The following GLOD4 variants were observed in gnomAD, a reference collection of about 807,000 sequenced individuals.
The protein encoded by GLOD4 is glyoxalase domain containing 4.
Under a neutral mutation model 39.1 loss-of-function variants are expected in GLOD4, and 44 were observed. That is an observed-to-expected ratio of 1.13 (90% confidence interval 0.88 to 1.45). The LOEUF (loss-of-function observed/expected upper bound fraction) is 1.45. GLOD4 is among the 40% of genes most tolerant of loss of function. GLOD4 has a pLI of 0.00. For synonymous variants in GLOD4, 145 were observed against 135.0 expected (o/e 1.07, Z -0.52); for missense variants, 405 against 366.4 (o/e 1.11, Z -0.86).
Position 776,860 on chromosome 17 carries a change from G to A in GLOD4, c.261+8C>T. On this transcript the variant is annotated splice_region_variant and intron_variant, in intron 3 of 8. Coordinates refer to ENST00000301329, the MANE Select transcript of GLOD4 (RefSeq NM_016080.4). ...GCCAAAACTCTGCTAGAAAAAAACG[G>A]TATTTACCATAAAGTCATTGCCAAG... 6.2e-7 allele frequency: 1 copy of A among 1,610,694 alleles called. No individual in the cohort carries two copies. Among genetic ancestry groups the A allele is most frequent in the Non-Finnish European group, 8.5e-7 (1 of 1,176,996 alleles).
At chr17:775,694 A>G (rs998049745) in intron 4 of GLOD4, 81 bp downstream of exon 4, 12 of 1,211,020 alleles carry the variant, frequency 9.9e-6, no homozygotes, top group Middle Eastern at 5.0e-4. Context: ...AGACTCTACA[A>G]AAAAAAGACA....
chr17:767,509 AAC>A (rs1399966150), intron 8 of GLOD4, among the ~76,000 whole-genome samples: 2 of 146,962 alleles, frequency 1.4e-5, no homozygotes, highest in African/African-American at 5.3e-5. Flanking sequence ...AAGAGGGAGA[AAC>A]AGCGCGCACT....
At chr17:785,086 C>T (rs535597863), upstream of GLOD4, among the ~76,000 whole-genome samples, 5 of 152,208 alleles carry the variant, frequency 3.3e-5, no homozygotes, top group East Asian at 9.6e-4. Context: ...AAAAACTGTA[C>T]AGTCCCTTGG....
chr17:782,668 C>CT, upstream of GLOD4: 1 of 1,606,976 alleles, frequency 6.2e-7, no homozygotes, highest in East Asian at 2.2e-5. Flanking sequence ...TACGATAAAG[C>CT]TTATCCCGGG....
chr17:776,341 G>A (rs1288851214), intron 3 of GLOD4, among the ~76,000 whole-genome samples: 1 of 152,142 alleles, frequency 6.6e-6, no homozygotes, highest in East Asian at 1.9e-4. Flanking sequence ...AAATGTACAC[G>A]TGTGCTTTGA....
Position 769,865 on chromosome 17 carries a change from T to G in GLOD4, c.831+4A>C. 1 of 1,523,662 alleles carries G rather than the reference T, an allele frequency of 6.6e-7. No individual in the cohort carries two copies. Among genetic ancestry groups the G allele is most frequent in the Non-Finnish European group, 9.1e-7 (1 of 1,097,232 alleles). The allele number at this position is 1,523,662 out of a possible 1,614,324, so 94.4% of individuals were successfully genotyped here. A position where few individuals can be genotyped will look rare whatever the true frequency, so the allele number is the denominator to read the frequency against. On this transcript the variant is annotated splice_donor_region_variant and intron_variant, in intron 8 of 8. Coordinates refer to ENST00000301329, the MANE Select transcript of GLOD4 (RefSeq NM_016080.4). The stretch of plus-strand genomic sequence containing the variant: ...GGTGACATAAATGTAGAAATGGGAC[T>G]CACATCATCCAACAATTTGCTTCCC...
At chr17:770,599 A>G in intron 5 of GLOD4, 92 bp from the exon 6 acceptor site, 2 of 738,682 alleles carry the variant, frequency 2.7e-6, no homozygotes, top group Non-Finnish European at 2.5e-6. Context: ...TACTAAAGGA[A>G]TAAAGTAAAA....
chr17:783,043 T>G (rs1193910633), upstream of GLOD4: 2 of 1,552,672 alleles, frequency 1.3e-6, no homozygotes, highest in African/African-American at 3.2e-5. Flanking sequence ...AACAAGGATG[T>G]TGATAGTTAC....
At position 760,153 on chromosome 17, in the gene GLOD4, G is replaced by C; in HGVS notation, c.*20C>G. The C allele has an allele frequency of 6.8e-7, 1 of 1,476,940 alleles. No individual in the cohort carries two copies. 91.5% of individuals were successfully genotyped at this position (1,476,940 alleles called of 1,614,324 possible). A position where few individuals can be genotyped will look rare whatever the true frequency, so the allele number is the denominator to read the frequency against. On this transcript the variant is annotated 3_prime_UTR_variant, in exon 9 of 9. Coordinates refer to ENST00000301329, the MANE Select transcript of GLOD4 (RefSeq NM_016080.4). ...TGCTGGGCAGGAATCACAGAGGCTT[G>C]CTCTGCATCATGTCTTCCGTTAACC...
chr17:771,493 C>G, intron 4 of GLOD4, 32 bp from the exon 5 acceptor site: 2 of 1,322,138 alleles, frequency 1.5e-6, no homozygotes, highest in Non-Finnish European at 1.0e-6. Flanking sequence ...ATAGACAGAT[C>G]AATTTAATAG....
chr17:773,760 G>T (rs1908404997), intron 4 of GLOD4, among the ~76,000 whole-genome samples: 1 of 152,188 alleles, frequency 6.6e-6, no homozygotes, highest in African/African-American at 2.4e-5. Context: ...TTTCTCACAA[G>T]TGCCTCCGCC....
At chr17:765,751 C>A (rs1291527998) in intron 8 of GLOD4, among the ~76,000 whole-genome samples, 1 of 151,896 alleles carries the variant, frequency 6.6e-6, no homozygotes, top group Non-Finnish European at 1.5e-5. Flanking sequence ...GCCTACTCAA[C>A]CAGCCTGACC....
chr17:763,319 C>G (rs1232620110), intron 8 of GLOD4, among the ~76,000 whole-genome samples: 2 of 151,956 alleles, frequency 1.3e-5, no homozygotes, highest in Non-Finnish European at 2.9e-5. Context: ...ACCAGCCTAG[C>G]CAAAATGGTG....
At chr17:779,076 A>T (rs1427230695) in intron 1 of GLOD4, among the ~76,000 whole-genome samples, 2 of 152,096 alleles carry the variant, frequency 1.3e-5, no homozygotes, top group Non-Finnish European at 2.9e-5. Flanking sequence ...GCACTTTGGG[A>T]GATCAAGGTG....
At chr17:760,343 T>A in intron 8 of GLOD4, 105 bp from the exon 9 acceptor site, 2 of 663,338 alleles carry the variant, frequency 3.0e-6, no homozygotes. Flanking sequence ...AAATTAACAT[T>A]AAAAAAAGGA....
At chr17:771,490 G>A in intron 4 of GLOD4, 29 bp from the exon 5 acceptor site, 1 of 1,355,228 alleles carries the variant, frequency 7.4e-7, no homozygotes, top group South Asian at 1.4e-5. Context: ...GGAATAGACA[G>A]ATCAATTTAA....
chr17:770,473 AC>A lies in GLOD4; in HGVS notation c.577del (p.Val193TrpfsTer22). On this transcript the variant is annotated frameshift_variant, in exon 6 of 9. Coordinates refer to ENST00000301329, the MANE Select transcript of GLOD4 (RefSeq NM_016080.4). LOFTEE classifies it high-confidence loss of function. ...TCTTCCAAAAGCTGCTGCATGGTCC[AC>A]CCCACCCTTGACGCCCTGTAGCTCC... ...KLELQGVKGG[V>X]DHAAAFGRIA... 1.3e-6 allele frequency: 2 copies of A among 1,595,404 alleles called. No homozygotes were observed. Among genetic ancestry groups the A allele is most frequent in the South Asian group, 1.1e-5 (1 of 90,748 alleles).
intron 8 of GLOD4, among the ~76,000 whole-genome samples, chr17:762,832 T>C (rs918925769): frequency 6.6e-6 from 1 of 152,238 alleles, no homozygotes; most frequent in African/African-American, 2.4e-5. Context: ...TTAGCCTCGG[T>C]TTCCTCATTT....
chr17:770,630 T>C, intron 5 of GLOD4, 123 bp from the exon 6 acceptor site: 1 of 637,104 alleles, frequency 1.6e-6, no homozygotes, highest in East Asian at 2.7e-5. Flanking sequence ...TATCCTACTC[T>C]CACCCCAGAG....
Sources: allele counts gnomAD v4.1 joint callset (sites outside exome capture counted in the v4.1 genomes callset), GRCh38; gene constraint gnomAD v4.1.1; transcripts MANE v1.5; gene names NCBI Gene and HGNC (gene_info 2026-07-23, HGNC 2026-07-21).